The following PDZRN4 variants were observed in gnomAD, a reference collection of about 807,000 sequenced individuals.
The protein encoded by PDZRN4 is PDZ domain-containing RING finger protein 4.
A neutral mutation model predicts 99.0 loss-of-function variants in PDZRN4; 70 were observed. That is an observed-to-expected ratio of 0.71 (90% CI 0.58 to 0.86). PDZRN4 has a LOEUF of 0.86. Among genes scored for constraint, PDZRN4 ranks in the 40% least tolerant of loss-of-function variants. The pLI, the probability that PDZRN4 is intolerant of heterozygous loss-of-function variation, is 0.00. For synonymous variants in PDZRN4, 551 were observed against 501.6 expected (o/e 1.10, Z -1.32); for missense variants, 1,474 against 1,331.2 (o/e 1.11, Z -1.67).
intron 3 of PDZRN4, among the ~76,000 whole-genome samples, chr12:41,219,407 T>C (rs1452766165): frequency 6.6e-6 from 1 of 152,160 alleles, no homozygotes; most frequent in Non-Finnish European, 1.5e-5. Flanking sequence ...ATTATCTTTT[T>C]GTAAATATTT....
At chr12:41,464,406 T>C (rs1952905698) in intron 3 of PDZRN4, among the ~76,000 whole-genome samples, 1 of 152,212 alleles carries the variant, frequency 6.6e-6, no homozygotes, top group African/African-American at 2.4e-5. Context: ...TCATTTCCAT[T>C]CTGATGCCAT....
At chr12:41,223,270 T>C (rs944688069) in intron 3 of PDZRN4, among the ~76,000 whole-genome samples, 1 of 152,182 alleles carries the variant, frequency 6.6e-6, no homozygotes, top group Non-Finnish European at 1.5e-5. Flanking sequence ...ATTACTTTTA[T>C]GATGGTTTGT....
At chr12:41,333,722 C>T (rs1296815848) in intron 3 of PDZRN4, among the ~76,000 whole-genome samples, 2 of 152,112 alleles carry the variant, frequency 1.3e-5, no homozygotes, top group African/African-American at 2.4e-5. Context: ...CCTCAGTTCT[C>T]ATAGACTATT....
At chr12:41,554,821 A>G (rs1194258333) in intron 6 of PDZRN4, among the ~76,000 whole-genome samples, 12 of 148,496 alleles carry the variant, frequency 8.1e-5, no homozygotes, top group East Asian at 2.0e-4. Context: ...GTGTGTGTGT[A>G]TGTGTGTGTG....
chr12:41,297,856 A>G (rs746545907), intron 3 of PDZRN4, among the ~76,000 whole-genome samples: 3 of 152,204 alleles, frequency 2.0e-5, no homozygotes, highest in Non-Finnish European at 2.9e-5. Context: ...AGAAAATGTG[A>G]TATTTAATTA....
chr12:41,431,848 A>G (rs909958121), intron 3 of PDZRN4, among the ~76,000 whole-genome samples: 2 of 152,230 alleles, frequency 1.3e-5, no homozygotes, highest in African/African-American at 4.8e-5. Flanking sequence ...GGGATGACAC[A>G]TGGGAACTAT....
At position 41,462,191 on chromosome 12, in the gene PDZRN4, A is replaced by T. The variant is rs186042394; in HGVS notation, c.844-44265A>T. On this transcript the variant is annotated intron_variant, in intron 3 of 9. Transcript: ENST00000402685. Reference sequence around the variant, plus strand: ...GGTCCTTGAGGAAAATATCCACTTCATATATGATTTTTGTATTTTGCAGAA... The same window carrying T: ...GGTCCTTGAGGAAAATATCCACTTCTTATATGATTTTTGTATTTTGCAGAA... 1.0e-2 allele frequency among the ~76,000 whole-genome samples: 1,518 copies of T among 152,316 alleles called. 78 individuals carry two copies. Among genetic ancestry groups the T allele is most frequent in the Admixed American group, 0.091 (1,387 of 15,294 alleles).
chr12:41,232,710 G>A (rs375819624), intron 3 of PDZRN4, among the ~76,000 whole-genome samples: 101 of 152,070 alleles, frequency 6.6e-4, no homozygotes, highest in Middle Eastern at 3.4e-3. Flanking sequence ...TTTTGTTGCC[G>A]TTGCTTTTGG....
At chr12:41,218,207 T>A (rs1002918651) in intron 3 of PDZRN4, among the ~76,000 whole-genome samples, 2 of 152,130 alleles carry the variant, frequency 1.3e-5, no homozygotes, top group African/African-American at 4.8e-5. Flanking sequence ...CTTTTGTCTG[T>A]TATATGACTC....
At chr12:41,523,798 A>G (rs1302426390) in intron 5 of PDZRN4, among the ~76,000 whole-genome samples, 1 of 152,150 alleles carries the variant, frequency 6.6e-6, no homozygotes, top group Non-Finnish European at 1.5e-5. Context: ...ACAAAGATCA[A>G]AAGGAATAAT....
chr12:41,218,671 C>T (rs568465668), intron 3 of PDZRN4, among the ~76,000 whole-genome samples: 16 of 152,072 alleles, frequency 1.1e-4, no homozygotes, highest in South Asian at 6.2e-4. Context: ...TAATATAAAA[C>T]GAACTGTTAA....
chr12:41,506,339 C>A, intron 3 of PDZRN4, 117 bp from the exon 4 acceptor site: 2 of 834,008 alleles, frequency 2.4e-6, no homozygotes, highest in South Asian at 4.1e-5. Context: ...TTAAATATTC[C>A]ATTACAAAAT....
chr12:41,420,035 T>A (rs1952476707), intron 3 of PDZRN4, among the ~76,000 whole-genome samples: 1 of 152,220 alleles, frequency 6.6e-6, no homozygotes, highest in Non-Finnish European at 1.5e-5. Context: ...TATTGAGTAC[T>A]TGATTTATTT....
Position 41,552,772 on chromosome 12 carries a change from G to C in PDZRN4, c.1302+18G>C. 1.3e-6 allele frequency: 2 copies of C among 1,589,540 alleles called. No homozygotes were observed. The highest frequency in any genetic ancestry group is 1.7e-6 in the Non-Finnish European group (2 of 1,157,952). On this transcript the variant is annotated intron_variant, in intron 6 of 9. Transcript: ENST00000402685. ...TCAGCGAGGTAAGAAACGCCATGGAGGGGAAATTCGAGGAGGGAGACTAGG... is the reference window on the plus strand; with the variant it reads ...TCAGCGAGGTAAGAAACGCCATGGACGGGAAATTCGAGGAGGGAGACTAGG...
At chr12:41,561,000 G>A (rs1565615780) in intron 7 of PDZRN4, among the ~76,000 whole-genome samples, 1 of 152,146 alleles carries the variant, frequency 6.6e-6, no homozygotes, top group Non-Finnish European at 1.5e-5. Flanking sequence ...CCTGAAGGTA[G>A]AAGTGTTTCT....
rs150024074 is a variant in PDZRN4 at position 41,368,683 on chromosome 12, G to C, written c.844-137773G>C. ...GCATCTTTCTTGCCTGCAGATTTCAGTTGGCATTATCTCACTCCATGCAAA... is the reference window on the plus strand; with the variant it reads ...GCATCTTTCTTGCCTGCAGATTTCACTTGGCATTATCTCACTCCATGCAAA... On this transcript the variant is annotated intron_variant, in intron 3 of 9. Coordinates refer to ENST00000402685, the MANE Select transcript of PDZRN4 (RefSeq NM_001164595.2). 4.8e-3 allele frequency among the ~76,000 whole-genome samples: 727 copies of C among 152,132 alleles called. 2 individuals carry two copies. Among genetic ancestry groups the C allele is most frequent in the African/African-American group, 0.017 (698 of 41,530 alleles).
chr12:41,247,974 A>T (rs950805038), intron 3 of PDZRN4, among the ~76,000 whole-genome samples: 2 of 150,000 alleles, frequency 1.3e-5, no homozygotes, highest in African/African-American at 4.9e-5. Flanking sequence ...CAGACGTGAA[A>T]GTTATTGGAC....
chr12:41,479,151 T>A (rs1415791964), intron 3 of PDZRN4, among the ~76,000 whole-genome samples: 1 of 152,182 alleles, frequency 6.6e-6, no homozygotes, highest in Non-Finnish European at 1.5e-5. Context: ...GACATATTAA[T>A]GAGATACAGT....
At chr12:41,548,357 T>C (rs1938993733) in intron 5 of PDZRN4, among the ~76,000 whole-genome samples, 1 of 152,230 alleles carries the variant, frequency 6.6e-6, no homozygotes, top group Non-Finnish European at 1.5e-5. Context: ...ATAAGTGTTT[T>C]ATTGGAACAA....
Sources: allele counts gnomAD v4.1 joint callset (sites outside exome capture counted in the v4.1 genomes callset), GRCh38; gene constraint gnomAD v4.1.1; transcripts MANE v1.5; gene names NCBI Gene and HGNC (gene_info 2026-07-23, HGNC 2026-07-21).